Variants in VPS35L observed in about 807,000 individuals in gnomAD.
VPS35L encodes VPS35 endosomal protein sorting factor like.
A neutral mutation model predicts 133.0 loss-of-function variants in VPS35L; 83 were observed. The observed-to-expected ratio is 0.62, with a 90% CI of 0.52 to 0.75. VPS35L has a LOEUF of 0.75. VPS35L is among the 30% of genes least tolerant of loss of function. The probability of loss-of-function intolerance (pLI) is 0.00; values close to 1 mark genes in which losing one functional copy is unlikely to be tolerated. For synonymous variants in VPS35L, 423 were observed against 449.9 expected, an observed-to-expected ratio of 0.94 and a Z score of 0.76; for missense variants, 1,083 against 1,206.8, an observed-to-expected ratio of 0.90 and a Z score of 1.52.
intron 18 of VPS35L, among the ~76,000 whole-genome samples, chr16:19,632,547 C>T (rs759848200): frequency 6.6e-6 from 1 of 152,172 alleles, no homozygotes; most frequent in African/African-American, 2.4e-5. Context: ...TGGTGTCTGG[C>T]GTGCTCTTCT....
chr16:19,611,805 T>C (rs1224600723), intron 12 of VPS35L: 1 of 152,004 alleles, frequency 6.6e-6, no homozygotes, highest in African/African-American at 2.4e-5. Flanking sequence ...TCAGGTGTGT[T>C]TCCAAGGACA....
chr16:19,627,892 G>A, intron 16 of VPS35L, 87 bp downstream of exon 16: 1 of 1,017,864 alleles, frequency 9.8e-7, no homozygotes, highest in Non-Finnish European at 1.5e-6. Context: ...TTTGGGAACA[G>A]CATGGGCCAG....
intron 23 of VPS35L, among the ~76,000 whole-genome samples, chr16:19,645,678 C>A (rs929406385): frequency 1.3e-5 from 2 of 152,316 alleles, no homozygotes; most frequent in Non-Finnish European, 2.9e-5. Flanking sequence ...CCATCCCCCC[C>A]AGCTCTGCAG....
At chr16:19,635,701 A>G (rs899806807) in intron 19 of VPS35L, among the ~76,000 whole-genome samples, 1 of 152,194 alleles carries the variant, frequency 6.6e-6, no homozygotes, top group Non-Finnish European at 1.5e-5. Context: ...ATGAAGTGTT[A>G]AGGGGTAAGG....
chr16:19,669,235 GGCC>G lies in VPS35L; in HGVS notation c.2298_2300del (p.Pro767del), dbSNP rs1567472637. ...ATGATTAATATTGATGGGAAGATGC[GGCC>G]ATCGGAATCGTTCCTTCTGGAATTC... On this transcript the variant is annotated inframe_deletion, in exon 27 of 31. Transcript: ENST00000417362. 1 of 1,612,848 alleles carries G rather than the reference GGCC, an allele frequency of 6.2e-7. No homozygotes were observed. Among genetic ancestry groups the G allele is most frequent in the Non-Finnish European group, 8.5e-7 (1 of 1,179,154 alleles).
intron 9 of VPS35L, among the ~76,000 whole-genome samples, chr16:19,602,347 C>T (rs533426337): frequency 1.1e-4 from 17 of 152,266 alleles, no homozygotes; most frequent in South Asian, 6.2e-4. Flanking sequence ...GAAACGTTCT[C>T]ATCCGTCCAA....
rs758852310 is a variant in VPS35L at position 19,689,616 on chromosome 16, G to A, written c.2528-1737G>A. On this transcript the variant is annotated intron_variant, in intron 28 of 30. Coordinates refer to ENST00000417362, the MANE Select transcript of VPS35L (RefSeq NM_020314.7). Reference sequence around the variant, plus strand: ...TTTCAGTTACCCCACAGTCAACCTGGTCCAAAAATATTAAGTGGAAAATCT... The same window carrying A: ...TTTCAGTTACCCCACAGTCAACCTGATCCAAAAATATTAAGTGGAAAATCT... Among the ~76,000 whole-genome samples, 366 of 152,118 alleles carry A rather than the reference G, an allele frequency of 2.4e-3. 6 individuals carry two copies. Among genetic ancestry groups the A allele is most frequent in the Non-Finnish European group, 5.3e-4 (36 of 68,000 alleles).
chr16:19,700,612 T>G lies in VPS35L; in HGVS notation c.*136T>G. On this transcript the variant is annotated 3_prime_UTR_variant, in exon 31 of 31. Transcript: ENST00000417362. ...TACATATGTACAAATTGTTTTAAGC[T>G]TTGGCCTCTATCCAGGTTATTCTGA... The G allele has an allele frequency of 1.4e-6, 1 of 714,962 alleles. No homozygotes were observed. The highest frequency in any genetic ancestry group is 2.8e-5 in the Admixed American group (1 of 35,220). The allele number at this position is 714,962 out of a possible 1,614,324, so 44.3% of individuals were successfully genotyped here. A position where few individuals can be genotyped will look rare whatever the true frequency, so the allele number is the denominator to read the frequency against.
chr16:19,601,319 G>A (rs544938757), intron 8 of VPS35L, among the ~76,000 whole-genome samples: 41 of 152,292 alleles, frequency 2.7e-4, no homozygotes, highest in African/African-American at 9.9e-4. Context: ...ATGCACAACT[G>A]GTCACAGGCT....
In VPS35L at chr16:19,679,548, C is replaced by T. The variant is rs1053860326; in HGVS notation, c.2362-2677C>T. Among the ~76,000 whole-genome samples, 7 of 151,146 alleles carry T rather than the reference C, an allele frequency of 4.6e-5. No homozygotes were observed. In the South Asian group the frequency reaches 6.2e-4, roughly 13 times the overall value. ...GGAGACAGAGTCTCGCACTGTCACC[C>T]GGGCTGCAGTGCAGTAGTGTGATCT... On this transcript the variant is annotated intron_variant, in intron 27 of 30. Coordinates refer to ENST00000417362, the MANE Select transcript of VPS35L (RefSeq NM_020314.7).
chr16:19,581,446 A>G, intron 6 of VPS35L, 79 bp from the exon 7 acceptor site: 1 of 1,373,324 alleles, frequency 7.3e-7, no homozygotes, highest in Non-Finnish European at 9.5e-7. Context: ...AACTCAGCCA[A>G]TACCTAGTAT....
chr16:19,682,474 T>C (rs1975319379), intron 28 of VPS35L, 84 bp downstream of exon 28: 1 of 1,428,740 alleles, frequency 7.0e-7, no homozygotes, highest in Admixed American at 2.2e-5. Context: ...TCTTTTATTT[T>C]TTCCTCCCTT....
intron 1 of VPS35L, among the ~76,000 whole-genome samples, chr16:19,562,723 C>T (rs1169782818): frequency 6.6e-6 from 1 of 151,958 alleles, no homozygotes; most frequent in Non-Finnish European, 1.5e-5. Flanking sequence ...CATTTTCTGC[C>T]TTCCCCCCAC....
At chr16:19,569,158 G>T in intron 2 of VPS35L, 1 of 633,786 alleles carries the variant, frequency 1.6e-6, no homozygotes, top group South Asian at 1.5e-5. Flanking sequence ...AACCCCAGGT[G>T]CTGTAGCCAT....
intron 1 of VPS35L, among the ~76,000 whole-genome samples, chr16:19,564,239 G>A (rs1268440286): frequency 4.0e-5 from 6 of 151,258 alleles, no homozygotes; most frequent in African/African-American, 7.3e-5. Flanking sequence ...CACCACGCCC[G>A]GCTAATTTTT....
intron 16 of VPS35L, 48 bp downstream of exon 16, chr16:19,627,853 A>C: frequency 4.2e-6 from 6 of 1,418,356 alleles, no homozygotes; most frequent in Non-Finnish European, 6.0e-6. Context: ...AGCGGTGTGT[A>C]TCTGATAGCT....
chr16:19,609,383 G>A (rs992498354), intron 11 of VPS35L, among the ~76,000 whole-genome samples: 14 of 152,160 alleles, frequency 9.2e-5, no homozygotes, highest in Admixed American at 4.6e-4. Context: ...ACCCTAAGAA[G>A]AGGTCTGAGG....
chr16:19,632,466 T>G (rs755830792), intron 18 of VPS35L, among the ~76,000 whole-genome samples: 3 of 152,260 alleles, frequency 2.0e-5, no homozygotes, highest in Admixed American at 6.5e-5. Context: ...TGTAATTTAT[T>G]TGTTGAAGAA....
At chr16:19,564,779 A>T in intron 1 of VPS35L, 72 bp from the exon 2 acceptor site, 1 of 972,088 alleles carries the variant, frequency 1.0e-6, no homozygotes, top group Non-Finnish European at 1.6e-6. Flanking sequence ...GTCATTGAAG[A>T]AGTCTCATCA....
Sources: gnomAD v4.1 joint callset for allele counts (sites outside exome capture counted in the v4.1 genomes callset) on GRCh38, gnomAD v4.1.1 for gene constraint, MANE v1.5 for transcripts, NCBI Gene and HGNC (gene_info 2026-07-23, HGNC 2026-07-21) for gene names.